The following HCN1 variants were observed in gnomAD, a reference collection of about 807,000 sequenced individuals.
HCN1 encodes hyperpolarization activated cyclic nucleotide gated potassium channel 1, also known as potassium/sodium hyperpolarization-activated cyclic nucleotide-gated channel 1.
In HCN1, 13 loss-of-function variants were observed where a neutral mutation model predicts 78.9. That is an observed-to-expected ratio of 0.16 (90% CI 0.11 to 0.26). The LOEUF is 0.26. Among genes scored for constraint, HCN1 ranks in the 10% least tolerant of loss-of-function variants. HCN1 has a pLI of 1.00. For missense variants in HCN1, 810 were observed against 1,154.3 expected, an observed-to-expected ratio of 0.70 and a Z score of 4.32; for synonymous variants, 552 against 455.5, an observed-to-expected ratio of 1.21 and a Z score of -2.70.
At chr5:45,637,958 G>A (rs1275313868) in intron 2 of HCN1, among the ~76,000 whole-genome samples, 1 of 152,128 alleles carries the variant, frequency 6.6e-6, no homozygotes, top group Non-Finnish European at 1.5e-5. Flanking sequence ...TTCCTGAGAA[G>A]GCAAGCAAGG....
At chr5:45,348,048 C>T (rs1209300363) in intron 5 of HCN1, among the ~76,000 whole-genome samples, 1 of 152,056 alleles carries the variant, frequency 6.6e-6, no homozygotes, top group Non-Finnish European at 1.5e-5. Context: ...AGAGCAACTC[C>T]AAGACACATA....
chr5:45,466,581 T>C (rs1741275693), intron 2 of HCN1, among the ~76,000 whole-genome samples: 1 of 152,152 alleles, frequency 6.6e-6, no homozygotes. Flanking sequence ...ACCTGCACGA[T>C]TTGTTATATT....
At chr5:45,507,124 T>A (rs1240677762) in intron 2 of HCN1, among the ~76,000 whole-genome samples, 1 of 152,182 alleles carries the variant, frequency 6.6e-6, no homozygotes. Context: ...GCTTGTTTTT[T>A]AATAGCATAT....
At chr5:45,640,822 C>T (rs1056067326) in intron 2 of HCN1, among the ~76,000 whole-genome samples, 3 of 148,430 alleles carry the variant, frequency 2.0e-5, no homozygotes, top group Non-Finnish European at 4.4e-5. Context: ...TGATCCACTG[C>T]ACCCAGCCTT....
At chr5:45,682,802 C>A (rs181686751) in intron 1 of HCN1, among the ~76,000 whole-genome samples, 2 of 151,788 alleles carry the variant, frequency 1.3e-5, no homozygotes, top group Admixed American at 1.3e-4. Context: ...TAGATGATAA[C>A]CTGGAGTTTA....
intron 1 of HCN1, among the ~76,000 whole-genome samples, chr5:45,663,062 C>G (rs1205789384): frequency 1.3e-5 from 2 of 149,716 alleles, no homozygotes; most frequent in Admixed American, 6.7e-5. Context: ...AACTATATTA[C>G]AAGGCTACAG....
chr5:45,332,951 G>C (rs1746376594), intron 5 of HCN1, among the ~76,000 whole-genome samples: 1 of 151,688 alleles, frequency 6.6e-6, no homozygotes. Flanking sequence ...CAACAAACAT[G>C]GAAGTGCAGA....
At position 45,598,686 on chromosome 5, in the gene HCN1, T is replaced by C. The variant is rs1049098875; in HGVS notation, c.849+46499A>G. Among the ~76,000 whole-genome samples, 124 of 152,086 alleles carry C rather than the reference T, an allele frequency of 8.2e-4. 4 individuals carry two copies. The highest frequency in any genetic ancestry group is 2.4e-4 in the Non-Finnish European group (16 of 68,014). ...CTGCCTGTCTGACAAAGTGCTAATA[T>C]CCAGAATCTACAAAGAACTCAAACA... On this transcript the variant is annotated intron_variant, in intron 2 of 7. Coordinates refer to ENST00000303230, the MANE Select transcript of HCN1 (RefSeq NM_021072.4).
At chr5:45,414,779 G>A (rs1405649689) in intron 3 of HCN1, among the ~76,000 whole-genome samples, 1 of 152,046 alleles carries the variant, frequency 6.6e-6, no homozygotes, top group Middle Eastern at 3.4e-3. Flanking sequence ...TCCCATTCCT[G>A]CCTAGTGCTT....
chr5:45,639,264 A>G (rs996001549), intron 2 of HCN1, among the ~76,000 whole-genome samples: 10 of 152,210 alleles, frequency 6.6e-5, no homozygotes, highest in African/African-American at 2.4e-4. Flanking sequence ...AGTGGTCTTT[A>G]GCAGAATCAA....
At chr5:45,556,772 A>C (rs963547287) in intron 2 of HCN1, among the ~76,000 whole-genome samples, 2 of 151,728 alleles carry the variant, frequency 1.3e-5, no homozygotes, top group Admixed American at 1.3e-4. Context: ...TTTCCCCTCT[A>C]TGTTTCTTCT....
At chr5:45,373,971 A>G (rs1747508667) in intron 4 of HCN1, among the ~76,000 whole-genome samples, 1 of 125,896 alleles carries the variant, frequency 7.9e-6, no homozygotes. Flanking sequence ...TATATTACAT[A>G]CAGTAGATAC....
At chr5:45,279,183 G>C (rs1745115684) in intron 6 of HCN1, among the ~76,000 whole-genome samples, 1 of 152,114 alleles carries the variant, frequency 6.6e-6, no homozygotes, top group African/African-American at 2.4e-5. Context: ...AGGTCAAACA[G>C]TCCAACAGGT....
chr5:45,696,293 C>CGCT lies in HCN1; in HGVS notation c.-203_-201dup, dbSNP rs1001611234. 4 of 161,640 alleles carry CGCT rather than the reference C, an allele frequency of 2.5e-5. No homozygotes were observed. The highest frequency in any genetic ancestry group is 4.0e-5 in the Non-Finnish European group (3 of 75,224). 10.0% of individuals were successfully genotyped at this position (161,640 alleles called of 1,614,324 possible). A position where few individuals can be genotyped will look rare whatever the true frequency, so the allele number is the denominator to read the frequency against. Reference sequence around the variant, plus strand: ...CTGCGCGCCTGGCTCCCGCCGCCGCCGCTGCCCTTAGTGGCTGCGGTCCGG... The same window carrying CGCT: ...CTGCGCGCCTGGCTCCCGCCGCCGCCGCTGCTGCCCTTAGTGGCTGCGGTCCGG... On this transcript the variant is annotated 5_prime_UTR_variant, in exon 1 of 8. Coordinates refer to ENST00000303230, the MANE Select transcript of HCN1 (RefSeq NM_021072.4).
rs201638888 is a variant in HCN1, at chr5:45,589,042, T to TGA, written c.849+56141_849+56142dup. Among the ~76,000 whole-genome samples the TGA allele has an allele frequency of 1.7e-3, 265 of 152,314 alleles. 5 individuals carry two copies. In the East Asian group the frequency reaches 0.018, roughly 11 times the overall value. On this transcript the variant is annotated intron_variant, in intron 2 of 7. Transcript: ENST00000303230. ...TGTAAAGACAAGACAACAGTGGTTC[T>TGA]GAGAGAGAGCTTTATGTTACAGAAA... is the stretch of plus-strand genomic sequence containing the variant.
chr5:45,289,021 C>T (rs952746824), intron 6 of HCN1, among the ~76,000 whole-genome samples: 2 of 151,998 alleles, frequency 1.3e-5, no homozygotes, highest in Non-Finnish European at 1.5e-5. Flanking sequence ...ATTCATGTAG[C>T]AGATTCCTAA....
At chr5:45,494,664 A>C (rs902533249) in intron 2 of HCN1, among the ~76,000 whole-genome samples, 132 of 152,050 alleles carry the variant, frequency 8.7e-4, no homozygotes, top group African/African-American at 2.9e-3. Flanking sequence ...TTAGACATGA[A>C]GTCCTTGCCC....
chr5:45,580,619 T>C (rs1296766412), intron 2 of HCN1, among the ~76,000 whole-genome samples: 1 of 152,086 alleles, frequency 6.6e-6, no homozygotes, highest in African/African-American at 2.4e-5. Flanking sequence ...ACATGTGCCA[T>C]GTAGGTGTGC....
intron 2 of HCN1, among the ~76,000 whole-genome samples, chr5:45,525,313 C>G (rs1461864911): frequency 6.6e-6 from 1 of 151,760 alleles, no homozygotes; most frequent in East Asian, 1.9e-4. Context: ...ACTTAAAAAG[C>G]AAACATACAA....
Sources: gnomAD v4.1 joint callset for allele counts (sites outside exome capture counted in the v4.1 genomes callset) on GRCh38, gnomAD v4.1.1 for gene constraint, MANE v1.5 for transcripts, NCBI Gene and HGNC (gene_info 2026-07-23, HGNC 2026-07-21) for gene names.